The following JAZF1 variants were observed in gnomAD, a reference collection of about 807,000 sequenced individuals.
The protein encoded by JAZF1 is juxtaposed with another zinc finger protein 1.
Under a neutral mutation model 26.4 loss-of-function variants are expected in JAZF1, and 8 were observed. The ratio of observed to expected loss-of-function variants is 0.30; its 90% CI spans 0.18 to 0.55. JAZF1 has a LOEUF of 0.55. JAZF1 is among the 20% of genes least tolerant of loss of function. JAZF1 has a pLI of 0.94. For missense variants in JAZF1, 199 were observed against 322.0 expected, an observed-to-expected ratio of 0.62 and a Z score of 2.92; for synonymous variants, 126 against 122.3, an observed-to-expected ratio of 1.03 and a Z score of -0.20.
At chr7:27,892,442 C>A (rs1159294690) in intron 3 of JAZF1, among the ~76,000 whole-genome samples, 5 of 152,192 alleles carry the variant, frequency 3.3e-5, no homozygotes, top group Admixed American at 3.3e-4. Context: ...AATAAACTCT[C>A]ACTTTTAAAC....
chr7:27,842,744 C>T (rs950797924), intron 3 of JAZF1: 4 of 152,186 alleles, frequency 2.6e-5, no homozygotes, highest in East Asian at 1.9e-4. Flanking sequence ...CACATGCTGG[C>T]GTCCTTTAAC....
intron 2 of JAZF1, among the ~76,000 whole-genome samples, chr7:27,989,419 A>G (rs1490875407): frequency 6.6e-6 from 1 of 152,240 alleles, no homozygotes; most frequent in Non-Finnish European, 1.5e-5. Flanking sequence ...CAATGGCAAC[A>G]AAAGTCAAAA....
chr7:28,085,005 A>T (rs1784192646), intron 1 of JAZF1, among the ~76,000 whole-genome samples: 1 of 152,204 alleles, frequency 6.6e-6, no homozygotes, highest in Non-Finnish European at 1.5e-5. Context: ...TAGAGTCCCC[A>T]CTTGGAGGAA....
At chr7:28,121,932 G>A (rs1391720512) in intron 1 of JAZF1, among the ~76,000 whole-genome samples, 1 of 152,162 alleles carries the variant, frequency 6.6e-6, no homozygotes, top group Non-Finnish European at 1.5e-5. Flanking sequence ...CTCCCAAGCT[G>A]CCATCACACC....
At chr7:28,173,159 G>T (rs989221835) in intron 1 of JAZF1, among the ~76,000 whole-genome samples, 3 of 152,180 alleles carry the variant, frequency 2.0e-5, no homozygotes, top group Non-Finnish European at 4.4e-5. Flanking sequence ...CAAGTCAGGG[G>T]CCCTGGGGCT....
intron 1 of JAZF1, among the ~76,000 whole-genome samples, chr7:28,157,012 A>G (rs1783195787): frequency 6.6e-6 from 1 of 152,236 alleles, no homozygotes; most frequent in Non-Finnish European, 1.5e-5. Context: ...ATGACCTTCG[A>G]TATCCTTCAA....
intron 3 of JAZF1, chr7:27,842,900 G>A (rs1782948735): frequency 6.6e-6 from 1 of 152,110 alleles, no homozygotes; most frequent in Non-Finnish European, 1.5e-5. Context: ...ATGGGGGGAG[G>A]GTGGGGCACC....
At chr7:28,064,008 C>T (rs1783839763) in intron 1 of JAZF1, among the ~76,000 whole-genome samples, 2 of 152,010 alleles carry the variant, frequency 1.3e-5, no homozygotes, top group Non-Finnish European at 2.9e-5. Flanking sequence ...GCAATAAATG[C>T]TCCATTTTTT....
chr7:27,856,998 G>A (rs929876155), intron 3 of JAZF1, among the ~76,000 whole-genome samples: 1 of 152,248 alleles, frequency 6.6e-6, no homozygotes, highest in Non-Finnish European at 1.5e-5. Flanking sequence ...TTCACCCAGT[G>A]GATCCTGCAC....
chr7:28,031,939 G>C (rs919322117), intron 1 of JAZF1, among the ~76,000 whole-genome samples: 2 of 139,368 alleles, frequency 1.4e-5, no homozygotes, highest in South Asian at 2.3e-4. Flanking sequence ...TCTGGGAAGA[G>C]ACAGGATCTA....
chr7:28,146,555 A>G (rs1301483000), intron 1 of JAZF1, among the ~76,000 whole-genome samples: 2 of 152,220 alleles, frequency 1.3e-5, no homozygotes, highest in Admixed American at 1.3e-4. Context: ...GAATATAATC[A>G]AGTGTTTACT....
intron 2 of JAZF1, among the ~76,000 whole-genome samples, chr7:27,896,506 C>T (rs1346538038): frequency 6.6e-6 from 1 of 152,234 alleles, no homozygotes; most frequent in African/African-American, 2.4e-5. Context: ...CTCTCTCCAA[C>T]ACCTCCCGCA....
intron 2 of JAZF1, among the ~76,000 whole-genome samples, chr7:27,902,161 C>T (rs978120349): frequency 3.3e-5 from 5 of 152,092 alleles, no homozygotes; most frequent in East Asian, 1.9e-4. Context: ...TATTAATGTA[C>T]GTGATTATAT....
Position 27,891,864 on chromosome 7 carries a change from AAAAC to A in JAZF1, c.385+3352_385+3355del, listed in dbSNP as rs1470585161. Among the ~76,000 whole-genome samples, 10 of 152,330 alleles carry A rather than the reference AAAAC, an allele frequency of 6.6e-5. No individual in the cohort carries two copies. In the South Asian group the frequency reaches 8.3e-4, roughly 13 times the overall value. ...TCAAACAGAAAAGAAAAAAAATTGC[AAAAC>A]AAACATTGATTCCAACTATACCTAA... On this transcript the variant is annotated intron_variant, in intron 3 of 4. Transcript: ENST00000283928.
chr7:28,013,584 A>T (rs1424351664), intron 1 of JAZF1, among the ~76,000 whole-genome samples: 2 of 152,114 alleles, frequency 1.3e-5, no homozygotes, highest in East Asian at 3.9e-4. Context: ...CTGATCTCAG[A>T]ACCACGCTTC....
intron 1 of JAZF1, among the ~76,000 whole-genome samples, chr7:28,163,498 G>C (rs1783322784): frequency 6.6e-6 from 1 of 152,164 alleles, no homozygotes; most frequent in Non-Finnish European, 1.5e-5. Flanking sequence ...TTCTCAGCCT[G>C]GCCAAGCAGC....
intron 3 of JAZF1, among the ~76,000 whole-genome samples, chr7:27,847,142 GC>G (rs71527534): frequency 0.31 from 45,306 of 148,276 alleles, 7,298 homozygotes; most frequent in Middle Eastern, 0.35. Context: ...ACCCCGCCTG[GC>G]TTTTTTTCTT....
At chr7:28,053,728 T>TA (rs1358047906) in intron 1 of JAZF1, among the ~76,000 whole-genome samples, 3 of 152,156 alleles carry the variant, frequency 2.0e-5, no homozygotes, top group Non-Finnish European at 4.4e-5. Flanking sequence ...TTAAATTTCA[T>TA]AACACTGGCA....
chr7:28,115,310 C>T (rs1438198122), intron 1 of JAZF1, among the ~76,000 whole-genome samples: 1 of 152,198 alleles, frequency 6.6e-6, no homozygotes, highest in African/African-American at 2.4e-5. Flanking sequence ...CTATCTTTCA[C>T]CATGTAATCA....
Sources: gnomAD v4.1 joint callset for allele counts (sites outside exome capture counted in the v4.1 genomes callset) on GRCh38, gnomAD v4.1.1 for gene constraint, MANE v1.5 for transcripts, NCBI Gene and HGNC (gene_info 2026-07-23, HGNC 2026-07-21) for gene names.